Variants in C5orf47 observed in about 807,000 individuals in gnomAD.
C5orf47 encodes uncharacterized protein C5orf47.
C5orf47 carries 20 observed loss-of-function variants against 20.6 expected under a neutral mutation model. The ratio of observed to expected loss-of-function variants is 0.97; its 90% CI spans 0.68 to 1.41. The LOEUF (loss-of-function observed/expected upper bound fraction) is 1.41, where lower values mean the gene tolerates loss of function less well. Ranked by LOEUF, C5orf47 falls within the 40% of genes most tolerant of loss-of-function variation. The pLI, the probability that C5orf47 is intolerant of heterozygous loss-of-function variation, is 0.00. For missense variants in C5orf47, 262 were observed against 238.4 expected (o/e 1.10, Z -0.65); for synonymous variants, 106 against 97.3 (o/e 1.09, Z -0.53).
chr5:173,997,360 G>T (rs1269936964), intron 1 of C5orf47, among the ~76,000 whole-genome samples: 1 of 152,098 alleles, frequency 6.6e-6, no homozygotes, highest in Non-Finnish European at 1.5e-5. Flanking sequence ...TTATAATTTT[G>T]TCTTTGGAAA....
intron 4 of C5orf47, among the ~76,000 whole-genome samples, chr5:174,001,772 C>A (rs922868157): frequency 6.6e-6 from 1 of 151,818 alleles, no homozygotes; most frequent in Admixed American, 6.6e-5. Flanking sequence ...TTTACATATT[C>A]ACTCTGAGAT....
chr5:173,994,177 G>A (rs1233209177), intron 1 of C5orf47, among the ~76,000 whole-genome samples: 1 of 152,208 alleles, frequency 6.6e-6, no homozygotes, highest in Non-Finnish European at 1.5e-5. Flanking sequence ...GTCTGTCGTC[G>A]TCGTGGAGAA....
At chr5:174,008,618 G>C (rs560831314), downstream of C5orf47, among the ~76,000 whole-genome samples, 1 of 152,086 alleles carries the variant, frequency 6.6e-6, no homozygotes, top group African/African-American at 2.4e-5. Flanking sequence ...GGATCACGAG[G>C]TCAGGAGATC....
chr5:174,007,481 A>C (rs1759309489), downstream of C5orf47, among the ~76,000 whole-genome samples: 1 of 152,026 alleles, frequency 6.6e-6, no homozygotes. Context: ...GAATCAGAAA[A>C]GGTCACACAG....
chr5:173,989,858 T>G (rs1430435250), intron 1 of C5orf47, among the ~76,000 whole-genome samples: 2 of 152,196 alleles, frequency 1.3e-5, no homozygotes, highest in Non-Finnish European at 2.9e-5. Context: ...CCTGCGTGTT[T>G]CCGTTCCAGC....
chr5:174,008,792 C>T (rs1236109056), downstream of C5orf47, among the ~76,000 whole-genome samples: 1 of 144,934 alleles, frequency 6.9e-6, no homozygotes, highest in Non-Finnish European at 1.5e-5. Context: ...AAGATCGCGC[C>T]ACTGCACTCT....
chr5:174,001,957 T>C (rs1409474067), intron 4 of C5orf47, among the ~76,000 whole-genome samples: 21 of 144,560 alleles, frequency 1.5e-4, no homozygotes, highest in Admixed American at 5.5e-4. Flanking sequence ...CTTTTTTTTT[T>C]CTTTTTTTTT....
chr5:174,007,719 G>A (rs760215840), downstream of C5orf47, among the ~76,000 whole-genome samples: 3 of 151,938 alleles, frequency 2.0e-5, no homozygotes, highest in Non-Finnish European at 4.4e-5. Flanking sequence ...CACCACACTC[G>A]GCTAATTTTT....
chr5:173,994,908 G>C (rs562511928), intron 1 of C5orf47, among the ~76,000 whole-genome samples: 2 of 152,236 alleles, frequency 1.3e-5, no homozygotes, highest in African/African-American at 4.8e-5. Context: ...CTGCCTCCCA[G>C]GTTCAAGTGA....
chr5:173,998,369 A>C, intron 2 of C5orf47, 131 bp downstream of exon 2: 2 of 558,538 alleles, frequency 3.6e-6, no homozygotes, highest in Non-Finnish European at 6.3e-6. Context: ...CTGAAATGAG[A>C]AATAGAAGTA....
At chr5:173,998,564 A>G (rs1759140758) in intron 2 of C5orf47, among the ~76,000 whole-genome samples, 1 of 152,210 alleles carries the variant, frequency 6.6e-6, no homozygotes, top group African/African-American at 2.4e-5. Context: ...GTAGTATAAG[A>G]AGAAAAATCA....
At position 174,004,394 on chromosome 5, in the gene C5orf47, G is replaced by A. The variant is rs143366357; in HGVS notation, c.*140G>A. On this transcript the variant is annotated 3_prime_UTR_variant, in exon 5 of 5. Coordinates refer to ENST00000340147, the MANE Select transcript of C5orf47 (RefSeq NM_001144954.2). ...TATTAGAATTGGGACTTTAGTAGTC[G>A]AACAGAAAAATTACCTTCTTTATAA... 1,240 of 152,094 alleles carry A rather than the reference G, an allele frequency of 8.2e-3. 17 individuals carry two copies. The highest frequency in any genetic ancestry group is 0.028 in the African/African-American group (1,174 of 41,510). 9.4% of individuals were successfully genotyped at this position (152,094 alleles called of 1,614,324 possible). A position where few individuals can be genotyped will look rare whatever the true frequency, so the allele number is the denominator to read the frequency against.
At chr5:173,992,762 T>C (rs1362639571) in intron 1 of C5orf47, among the ~76,000 whole-genome samples, 1 of 152,228 alleles carries the variant, frequency 6.6e-6, no homozygotes, top group Non-Finnish European at 1.5e-5. Flanking sequence ...TTCTAATTTT[T>C]ATTTTTAATT....
chr5:173,999,046 T>C (rs1417954187), intron 2 of C5orf47, among the ~76,000 whole-genome samples: 1 of 152,328 alleles, frequency 6.6e-6, no homozygotes, highest in South Asian at 2.1e-4. Context: ...TTTTAATTAC[T>C]GTGTGCCAGA....
chr5:173,998,119 A>G, intron 1 of C5orf47, 34 bp from the exon 2 acceptor site: 1 of 1,215,228 alleles, frequency 8.2e-7, no homozygotes, highest in Non-Finnish European at 1.2e-6. Flanking sequence ...ATCCTTATAT[A>G]TGTTGACCTT....
chr5:173,997,854 G>A (rs888189851), intron 1 of C5orf47, among the ~76,000 whole-genome samples: 4 of 152,170 alleles, frequency 2.6e-5, no homozygotes, highest in African/African-American at 9.7e-5. Flanking sequence ...GGCAAGATGT[G>A]TTATCTGGTA....
At chr5:174,007,304 G>A (rs1759307202), downstream of C5orf47, among the ~76,000 whole-genome samples, 1 of 152,166 alleles carries the variant, frequency 6.6e-6, no homozygotes, top group Non-Finnish European at 1.5e-5. Flanking sequence ...GGAATGGGAG[G>A]AGGGTGACAA....
Position 173,989,340 on chromosome 5 carries a change from G to C in C5orf47, c.77G>C (p.Cys26Ser), listed in dbSNP as rs910212742. 3.4e-5 allele frequency: 51 copies of C among 1,495,978 alleles called. No homozygotes were observed. The African/African-American group carries it at 6.3e-4, about 18-fold the overall frequency. 92.7% of individuals were successfully genotyped at this position (1,495,978 alleles called of 1,614,324 possible). A position where few individuals can be genotyped will look rare whatever the true frequency, so the allele number is the denominator to read the frequency against. The change falls in exon 1 of 5, where the codon TGC (cysteine) becomes TCC (serine). Residue 26 changes from cysteine to serine, a missense_variant. Transcript: ENST00000340147. ...GTGACGCGCTTCGGCTCGCATCAGTGCAGTGGCGTCCTGCAACTGGGCGGC... is the reference window on the plus strand; with the variant it reads ...GTGACGCGCTTCGGCTCGCATCAGTCCAGTGGCGTCCTGCAACTGGGCGGC... Reference protein sequence around the residue: ...VYVTRFGSHQCSGVLQLGGRG... With the variant: ...VYVTRFGSHQSSGVLQLGGRG...
chr5:173,989,445 C>G lies in C5orf47; in HGVS notation c.182C>G (p.Ala61Gly), dbSNP rs987682213. Residue 61 changes from alanine to glycine, a missense_variant, in exon 1 of 5, where the codon GCG (alanine) becomes GGG (glycine). Coordinates refer to ENST00000340147, the MANE Select transcript of C5orf47 (RefSeq NM_001144954.2). ...AAGCCGAGGGAAGCAATGGCGGTGG[C>G]GGGCGTTCAGGGTGGCAGCGAGCTG... is the stretch of plus-strand genomic sequence containing the variant. ...QEKPREAMAV[A>G]GVQGGSELPL... 1.9e-6 allele frequency: 3 copies of G among 1,549,454 alleles called. No homozygotes were observed. The highest frequency in any genetic ancestry group is 1.7e-6 in the Non-Finnish European group (2 of 1,145,984).
Sources: allele counts gnomAD v4.1 joint callset (sites outside exome capture counted in the v4.1 genomes callset), GRCh38; gene constraint gnomAD v4.1.1; transcripts MANE v1.5; gene names NCBI Gene and HGNC (gene_info 2026-07-23, HGNC 2026-07-21).